RIC8B: variants seen among roughly 807,000 people sequenced by gnomAD.
RIC8B encodes RIC8 guanine nucleotide exchange factor B.
RIC8B carries 16 observed loss-of-function variants against 57.5 expected under a neutral mutation model. That is an observed-to-expected ratio of 0.28 (90% CI 0.19 to 0.42). The LOEUF (loss-of-function observed/expected upper bound fraction) is 0.42. Ranked by LOEUF, RIC8B falls within the 10% of genes least tolerant of loss-of-function variation. The pLI is 1.00. For missense variants in RIC8B, 481 were observed against 677.0 expected, an observed-to-expected ratio of 0.71 and a Z score of 3.21; for synonymous variants, 216 against 250.8, an observed-to-expected ratio of 0.86 and a Z score of 1.31.
intron 2 of RIC8B, among the ~76,000 whole-genome samples, chr12:106,809,576 T>C (rs1487000561): frequency 6.6e-6 from 1 of 151,440 alleles, no homozygotes; most frequent in Non-Finnish European, 1.5e-5. Flanking sequence ...AGTAAGCATT[T>C]CTTAGATTGA....
intron 6 of RIC8B, among the ~76,000 whole-genome samples, chr12:106,848,180 AAG>A (rs2136450373): frequency 6.6e-6 from 1 of 152,340 alleles, no homozygotes; most frequent in African/African-American, 2.4e-5. Flanking sequence ...TTTCTAGAAA[AAG>A]AGTTTCTGGG....
At chr12:106,797,929 AC>A (rs1291933733) in intron 2 of RIC8B, 2 of 632,704 alleles carry the variant, frequency 3.2e-6, no homozygotes, top group African/African-American at 3.7e-5. Flanking sequence ...AATTGGATTG[AC>A]CTGTTGTGTA....
rs1475502958 is a variant in RIC8B at position 106,815,171 on chromosome 12, A to G, written c.608A>G (p.Lys203Arg). ...ATCTTGGAAAGTGCCTTTAGCATCA[A>G]GTGGACCGATGAGTATGAATCGGCC... ...TQILESAFSIKWTDEYESAID... is the reference protein window; with the variant it reads ...TQILESAFSIRWTDEYESAID... The change falls in exon 3 of 10, where the codon AAG (lysine) becomes AGG (arginine). Residue 203 changes from lysine to arginine, a missense_variant. Physicochemically the swap from Lys to Arg is conservative, Grantham distance 26. Transcript: ENST00000392837. 3 of 1,614,248 alleles carry G rather than the reference A, an allele frequency of 1.9e-6. No homozygotes were observed. The highest frequency in any genetic ancestry group is 1.7e-5 in the Admixed American group (1 of 60,030).
chr12:106,845,754 C>G (rs551846328), intron 6 of RIC8B, among the ~76,000 whole-genome samples: 4 of 152,258 alleles, frequency 2.6e-5, no homozygotes, highest in African/African-American at 4.8e-5. Flanking sequence ...TCTGTACTCA[C>G]TCTCTCTATT....
Position 106,879,507 on chromosome 12 carries a change from G to T in RIC8B, c.1572-6397G>T. 1.0e-6 allele frequency: 1 copy of T among 985,088 alleles called. No individual in the cohort carries two copies. Among genetic ancestry groups the T allele is most frequent in the Non-Finnish European group, 1.2e-6 (1 of 829,832 alleles). The allele number at this position is 985,088 out of a possible 1,614,324, so 61.0% of individuals were successfully genotyped here. On this transcript the variant is annotated intron_variant, in intron 9 of 9. Transcript: ENST00000392837. The surrounding 1 kb of genome is among the most constrained non-coding windows in gnomAD (Gnocchi z 4.9). ...ATACCATACTTACAGGCAAACGGTG[G>T]CTCAGGAAAATGTTAAAATATATCT...
At chr12:106,850,409 G>T (rs1164063919) in intron 6 of RIC8B, among the ~76,000 whole-genome samples, 1 of 152,218 alleles carries the variant, frequency 6.6e-6, no homozygotes, top group African/African-American at 2.4e-5. Flanking sequence ...GAATAGAAAA[G>T]ACAATTGGCA....
intron 8 of RIC8B, among the ~76,000 whole-genome samples, chr12:106,869,385 G>A (rs977366989): frequency 6.6e-6 from 1 of 152,000 alleles, no homozygotes; most frequent in Non-Finnish European, 1.5e-5. Flanking sequence ...TCTCAAAGAC[G>A]GGTTGCAAGC....
chr12:106,786,750 G>A (rs896067775), intron 2 of RIC8B, among the ~76,000 whole-genome samples: 2 of 151,784 alleles, frequency 1.3e-5, no homozygotes, highest in African/African-American at 4.8e-5. Flanking sequence ...GGAATATTAT[G>A]ATGTAGTAGA....
At position 106,793,768 on chromosome 12, in the gene RIC8B, G is replaced by C. The variant is rs188814334; in HGVS notation, c.132+9724G>C. On this transcript the variant is annotated intron_variant, in intron 2 of 9. Coordinates refer to ENST00000392837, the MANE Select transcript of RIC8B (RefSeq NM_001330145.2). ...TGTGCCCTATAAGGTGCAACATTAG[G>C]GCTTCACACTTTGAGGAAGCAGAGA... 2.3e-3 allele frequency among the ~76,000 whole-genome samples: 348 copies of C among 152,272 alleles called. 1 individual carries two copies. The highest frequency in any genetic ancestry group is 4.0e-3 in the Non-Finnish European group (272 of 68,014).
chr12:106,819,222 G>A (rs540666985), intron 3 of RIC8B, among the ~76,000 whole-genome samples: 30 of 152,252 alleles, frequency 2.0e-4, no homozygotes, highest in African/African-American at 7.2e-4. Context: ...TAAGCCACAA[G>A]GTTCCTAGCA....
intron 3 of RIC8B, among the ~76,000 whole-genome samples, chr12:106,819,079 T>C (rs1213422804): frequency 1.3e-5 from 2 of 152,240 alleles, no homozygotes; most frequent in South Asian, 2.1e-4. Flanking sequence ...TATATCTTTT[T>C]AACTATTCTT....
chr12:106,783,960 A>G (rs1242742140), intron 1 of RIC8B, 37 bp from the exon 2 acceptor site: 12 of 1,599,914 alleles, frequency 7.5e-6, no homozygotes, highest in Middle Eastern at 1.7e-4. Context: ...AAATACATGT[A>G]TTTAAAATGA....
chr12:106,798,806 C>G (rs1205780417), intron 2 of RIC8B, among the ~76,000 whole-genome samples: 2 of 152,120 alleles, frequency 1.3e-5, no homozygotes, highest in Admixed American at 1.3e-4. Context: ...ACACATTTAT[C>G]AAAAAGCTTT....
chr12:106,837,774 T>A (rs917415748), intron 4 of RIC8B, among the ~76,000 whole-genome samples: 4 of 151,862 alleles, frequency 2.6e-5, no homozygotes, highest in African/African-American at 4.8e-5. Flanking sequence ...CCCAAGTAGC[T>A]GGGATTACAG....
intron 3 of RIC8B, chr12:106,823,421 G>A (rs1212043993): frequency 1.1e-5 from 5 of 456,184 alleles, no homozygotes; most frequent in Non-Finnish European, 2.2e-5. Flanking sequence ...TACAACTTGG[G>A]AGTTGATGTT....
intron 2 of RIC8B, among the ~76,000 whole-genome samples, chr12:106,809,730 G>C (rs1260934129): frequency 3.3e-5 from 5 of 151,928 alleles, no homozygotes; most frequent in African/African-American, 1.2e-4. Context: ...ACATATTTAT[G>C]GGGTACATGT....
chr12:106,791,989 C>T (rs552925327), intron 2 of RIC8B, among the ~76,000 whole-genome samples: 1 of 152,226 alleles, frequency 6.6e-6, no homozygotes, highest in East Asian at 1.9e-4. Flanking sequence ...GCTTTGTATG[C>T]TTTGCAAATT....
rs757662427 is a variant in RIC8B, at chr12:106,888,680, A to C, written c.*2665A>C. On this transcript the variant is annotated 3_prime_UTR_variant, in exon 10 of 10. Coordinates refer to ENST00000392837, the MANE Select transcript of RIC8B (RefSeq NM_001330145.2). ...AAGCAGGGAAGTGACCTGAAGTGGA[A>C]GTATGAGTGGGAAACTTGCATGGTC... 3 of 152,752 alleles carry C rather than the reference A, an allele frequency of 2.0e-5. No homozygotes were observed. The highest frequency in any genetic ancestry group is 2.9e-5 in the Non-Finnish European group (2 of 68,032). The allele number at this position is 152,752 out of a possible 1,614,324, so 9.5% of individuals were successfully genotyped here. A position where few individuals can be genotyped will look rare whatever the true frequency, so the allele number is the denominator to read the frequency against.
intron 6 of RIC8B, among the ~76,000 whole-genome samples, chr12:106,849,418 G>A (rs1017211140): frequency 4.7e-5 from 7 of 149,890 alleles, no homozygotes; most frequent in East Asian, 1.9e-4. Flanking sequence ...CTTCCAAAGC[G>A]CTGGGATTAC....
Sources: allele counts gnomAD v4.1 joint callset (sites outside exome capture counted in the v4.1 genomes callset), GRCh38; gene constraint gnomAD v4.1.1; non-coding constraint Gnocchi (gnomAD v3.1); transcripts MANE v1.5; gene names NCBI Gene and HGNC (gene_info 2026-07-23, HGNC 2026-07-21).